The following PYY variants were observed in gnomAD, a reference collection of about 807,000 sequenced individuals.
PYY encodes peptide tyrosine tyrosine.
A neutral mutation model predicts 10.3 loss-of-function variants in PYY; 12 were observed. That is an observed-to-expected ratio of 1.17 (90% CI 0.75 to 1.89). PYY has a LOEUF of 1.89. PYY is among the 40% of genes most tolerant of loss of function. The pLI, the probability that PYY is intolerant of heterozygous loss-of-function variation, is 0.00. For missense variants in PYY, 141 were observed against 134.0 expected, an observed-to-expected ratio of 1.05 and a Z score of -0.26; for synonymous variants, 66 against 62.0, an observed-to-expected ratio of 1.06 and a Z score of -0.30.
At chr17:43,966,860 C>T (rs1002667134) in intron 1 of PYY, among the ~76,000 whole-genome samples, 2 of 152,154 alleles carry the variant, frequency 1.3e-5, no homozygotes, top group Admixed American at 6.5e-5. Flanking sequence ...ATGAATGGAT[C>T]CACATCCTCA....
intron 1 of PYY, among the ~76,000 whole-genome samples, chr17:43,974,215 TC>T (rs1185458005): frequency 6.6e-6 from 1 of 152,020 alleles, no homozygotes; most frequent in Non-Finnish European, 1.5e-5. Context: ...TGTCTTTTCT[TC>T]CCTCGCGCAT....
intron 1 of PYY, among the ~76,000 whole-genome samples, chr17:43,971,740 T>C (rs1320404884): frequency 6.6e-6 from 1 of 151,954 alleles, no homozygotes; most frequent in Admixed American, 6.6e-5. Context: ...GGGTTCTTTA[T>C]ATATTCTGGA....
At chr17:43,988,244 AT>A (rs2048927881) in intron 1 of PYY, among the ~76,000 whole-genome samples, 1 of 152,362 alleles carries the variant, frequency 6.6e-6, no homozygotes, top group Non-Finnish European at 1.5e-5. Context: ...AAAGAGTTAA[AT>A]ATAAAAATAA....
intron 1 of PYY, among the ~76,000 whole-genome samples, chr17:43,986,883 A>G (rs983936657): frequency 2.0e-5 from 3 of 152,196 alleles, no homozygotes; most frequent in African/African-American, 4.8e-5. Context: ...TGATAAGCAC[A>G]CTGCTAAGCA....
At chr17:43,994,055 C>T (rs2143960142) in intron 1 of PYY, among the ~76,000 whole-genome samples, 1 of 152,036 alleles carries the variant, frequency 6.6e-6, no homozygotes, top group East Asian at 1.9e-4. Flanking sequence ...GGTCTCTCTA[C>T]ATTACCTGGG....
In PYY at chr17:43,952,880, G is replaced by T; in HGVS notation, c.*76C>A. ...CGCCGCCGTCGGGAGGCAGAATCCG[G>T]GTTTCTGGGGTCGGGAGTGCGTATG... is the stretch of plus-strand genomic sequence containing the variant. On this transcript the variant is annotated 3_prime_UTR_variant, in exon 4 of 4. Coordinates refer to ENST00000692052, the MANE Select transcript of PYY (RefSeq NM_001394028.1). The T allele has an allele frequency of 6.9e-7, 1 of 1,449,684 alleles. No individual in the cohort carries two copies. Among genetic ancestry groups the T allele is most frequent in the South Asian group, 1.4e-5 (1 of 69,850 alleles). 89.8% of individuals were successfully genotyped at this position (1,449,684 alleles called of 1,614,324 possible). A position where few individuals can be genotyped will look rare whatever the true frequency, so the allele number is the denominator to read the frequency against.
chr17:43,998,923 C>T (rs1240376422), intron 1 of PYY, among the ~76,000 whole-genome samples: 2 of 152,158 alleles, frequency 1.3e-5, no homozygotes, highest in Non-Finnish European at 2.9e-5. Flanking sequence ...GTTAGAGACA[C>T]AGATCTGCAG....
At chr17:43,995,556 G>A (rs543209999) in intron 1 of PYY, among the ~76,000 whole-genome samples, 1 of 152,288 alleles carries the variant, frequency 6.6e-6, no homozygotes, top group Admixed American at 6.5e-5. Context: ...CAGACGGGCC[G>A]GGCACGGTGG....
chr17:43,963,578 G>GAAAGAA (rs1555617089), intron 2 of PYY, among the ~76,000 whole-genome samples: 15 of 68,866 alleles, frequency 2.2e-4, no homozygotes, highest in East Asian at 2.0e-3. Context: ...GGAAAAGAAA[G>GAAAGAA]AAAGAAAGAA....
At chr17:43,968,459 T>C (rs1385484609) in intron 1 of PYY, among the ~76,000 whole-genome samples, 1 of 151,880 alleles carries the variant, frequency 6.6e-6, no homozygotes, top group Non-Finnish European at 1.5e-5. Context: ...AAAGATATTG[T>C]AAGAAAAAAA....
At chr17:43,962,766 AT>A (rs1162780897) in intron 2 of PYY, among the ~76,000 whole-genome samples, 1 of 152,146 alleles carries the variant, frequency 6.6e-6, no homozygotes, top group African/African-American at 2.4e-5. Flanking sequence ...TGCAATGGGC[AT>A]TTTTTGGGGG....
rs2048647537 is a variant in PYY, at chr17:43,953,371, TC to T, written c.112del (p.Glu38LysfsTer8). On this transcript the variant is annotated frameshift_variant, in exon 2 of 4. Transcript: ENST00000692052. LOFTEE classifies it high-confidence loss of function. ...AYPIKPEAPR[E>X]DASPEELNRY... ...GTTCAGCTCCTCCGGCGAGGCGTCT[TC>T]GCGGGGAGCCTCGGGTTTGATGGGG... 2.5e-6 allele frequency: 4 copies of T among 1,612,370 alleles called. No homozygotes were observed. Among genetic ancestry groups the T allele is most frequent in the Non-Finnish European group, 3.4e-6 (4 of 1,179,358 alleles).
chr17:43,963,867 A>G (rs1326121691), intron 2 of PYY, among the ~76,000 whole-genome samples: 1 of 152,104 alleles, frequency 6.6e-6, no homozygotes, highest in Non-Finnish European at 1.5e-5. Flanking sequence ...TACAAAAAAT[A>G]GCTGAATATG....
intron 1 of PYY, among the ~76,000 whole-genome samples, chr17:43,999,890 G>C (rs540945042): frequency 1.4e-4 from 21 of 152,330 alleles, no homozygotes; most frequent in Admixed American, 7.2e-4. Flanking sequence ...TCAGGAGGAA[G>C]GAAGGGATGG....
Position 43,953,185 on chromosome 17 carries a change from C to T in PYY, c.193G>A (p.Gly65Arg), listed in dbSNP as rs1170369368. The T allele has an allele frequency of 1.9e-6, 3 of 1,613,870 alleles. No homozygotes were observed. The highest frequency in any genetic ancestry group is 1.7e-5 in the Admixed American group (1 of 60,018). Residue 65 changes from glycine (G) to arginine (R), a missense_variant, in exon 3 of 4, where the codon GGG (glycine) becomes AGG (arginine). Physicochemically the swap from Gly to Arg is moderately radical, Grantham distance 125 (BLOSUM62 -2). Coordinates refer to ENST00000692052, the MANE Select transcript of PYY (RefSeq NM_001394028.1). ...YLNLVTRQRY[G>R]KRDGPDTLLS... is the part of the protein sequence containing the mutation. ...AGCGTGTCCGGGCCGTCTCTTTTCC[C>T]ATACCTGGGGGCGGGGAAGGGAAGA... is the stretch of plus-strand genomic sequence containing the variant.
chr17:43,969,849 T>G (rs190188738), intron 1 of PYY, among the ~76,000 whole-genome samples: 17 of 151,508 alleles, frequency 1.1e-4, no homozygotes, highest in African/African-American at 4.1e-4. Flanking sequence ...GTTCAAGCAA[T>G]TCTCTGCCTC....
chr17:43,988,788 A>C lies in PYY; in HGVS notation c.-463+15603T>G, dbSNP rs533482620. Among the ~76,000 whole-genome samples the C allele has an allele frequency of 5.6e-3, 776 of 138,318 alleles. 4 individuals are homozygous for C. Among genetic ancestry groups the C allele is most frequent in the Admixed American group, 0.012 (147 of 12,710 alleles). 90.7% of individuals were successfully genotyped at this position (138,318 alleles called of 152,430 possible). A position where few individuals can be genotyped will look rare whatever the true frequency, so the allele number is the denominator to read the frequency against. ...TTCTGTCTTTTTTTTTTTGAGACGG[A>C]GTATCACTCTGTCACCCAGGCTGGA... On this transcript the variant is annotated intron_variant, in intron 1 of 6. Coordinates refer to the PYY transcript ENST00000360085.
At chr17:43,989,809 TAAAAAAAAAAAAAAAAAAAAA>T (rs1174890162) in intron 1 of PYY, among the ~76,000 whole-genome samples, 226 of 10,502 alleles carry the variant, frequency 0.022, 17 homozygotes, top group Middle Eastern at 0.056. Context: ...GCTGTCTCTT[TAAAAAAAAAAAAAAAAAAAAA>T]AAAAAAAAAA....
intron 1 of PYY, among the ~76,000 whole-genome samples, chr17:43,973,783 C>T (rs1334097623): frequency 2.6e-5 from 4 of 152,080 alleles, no homozygotes; most frequent in African/African-American, 4.8e-5. Context: ...TGACAAAGCA[C>T]GACTCCGTCT....
Sources: gnomAD v4.1 joint callset for allele counts (sites outside exome capture counted in the v4.1 genomes callset) on GRCh38, gnomAD v4.1.1 for gene constraint, MANE v1.5 for transcripts, NCBI Gene and HGNC (gene_info 2026-07-23, HGNC 2026-07-21) for gene names.